MROH2B: variants seen among roughly 807,000 people sequenced by gnomAD.
The protein encoded by MROH2B is maestro heat-like repeat-containing protein family member 2B.
A neutral mutation model predicts 208.6 loss-of-function variants in MROH2B; 177 were observed. The ratio of observed to expected loss-of-function variants is 0.85; its 90% CI spans 0.75 to 0.96. The LOEUF is 0.96. MROH2B is among the 40% of genes least tolerant of loss of function. MROH2B has a pLI of 0.00. For missense variants in MROH2B, 2,002 were observed against 1,878.7 expected (o/e 1.07, Z -1.21); for synonymous variants, 728 against 659.0 (o/e 1.10, Z -1.60).
intron 11 of MROH2B, 123 bp downstream of exon 11, chr5:41,054,643 TA>T: frequency 1.6e-6 from 1 of 632,284 alleles, no homozygotes. Context: ...GGAGTTCTTT[TA>T]AAAATGGAAT....
chr5:41,050,141 A>G (rs987499990), intron 13 of MROH2B, among the ~76,000 whole-genome samples: 1 of 152,142 alleles, frequency 6.6e-6, no homozygotes, highest in South Asian at 2.1e-4. Flanking sequence ...GATCTCCTAT[A>G]TAGTCTCTTT....
At chr5:41,031,520 T>C (rs1448067351) in intron 24 of MROH2B, among the ~76,000 whole-genome samples, 1 of 152,092 alleles carries the variant, frequency 6.6e-6, no homozygotes, top group Non-Finnish European at 1.5e-5. Flanking sequence ...GGGTGGTTTT[T>C]ATTATTTTTT....
chr5:41,055,935 A>T (rs1743435669), intron 9 of MROH2B, 80 bp from the exon 10 acceptor site: 6 of 979,472 alleles, frequency 6.1e-6, no homozygotes, highest in South Asian at 5.3e-5. Flanking sequence ...AGGGAAATTC[A>T]CCATGAAGAT....
chr5:41,066,472 G>A (rs1743818911), intron 3 of MROH2B, among the ~76,000 whole-genome samples: 1 of 152,172 alleles, frequency 6.6e-6, no homozygotes, highest in South Asian at 2.1e-4. Context: ...GCCAACCAGT[G>A]GTGAGACTCT....
chr5:41,035,203 T>TA (rs1311418630), intron 21 of MROH2B, among the ~76,000 whole-genome samples: 1 of 152,112 alleles, frequency 6.6e-6, no homozygotes, highest in African/African-American at 2.4e-5. Context: ...AAGGCTATAG[T>TA]AATCAAAACA....
intron 24 of MROH2B, among the ~76,000 whole-genome samples, 157 bp from the exon 25 acceptor site, chr5:41,019,175 G>A (rs1239161283): frequency 6.6e-6 from 1 of 152,178 alleles, no homozygotes; most frequent in Non-Finnish European, 1.5e-5. Context: ...ACAGGAGTAG[G>A]GAGAGATGGG....
At chr5:41,007,700 G>A (rs889987809) in intron 33 of MROH2B, among the ~76,000 whole-genome samples, 2 of 152,086 alleles carry the variant, frequency 1.3e-5, no homozygotes, top group African/African-American at 4.8e-5. Context: ...GAAAAAATAG[G>A]CCATAAGAAT....
At chr5:41,009,235 T>C (rs1684142508) in intron 32 of MROH2B, 45 bp downstream of exon 32, 2 of 1,607,040 alleles carry the variant, frequency 1.2e-6, no homozygotes, top group African/African-American at 2.7e-5. Flanking sequence ...ATCATAAAGA[T>C]GGCGCAGTCT....
intron 37 of MROH2B, among the ~76,000 whole-genome samples, chr5:41,002,019 T>A (rs1036094662): frequency 2.6e-5 from 4 of 152,180 alleles, no homozygotes; most frequent in Non-Finnish European, 5.9e-5. Flanking sequence ...AAAGCTCAGA[T>A]GTGACTTTGT....
rs763901842 is a variant in MROH2B, at chr5:41,042,215, A to G, written c.1837-7T>C. ...AGGCTTTCCAAAGGAATTTCTGGAA[A>G]ACAAAAGATAAGCAACAGGATTTTA... is the stretch of plus-strand genomic sequence containing the variant. On this transcript the variant is annotated splice_region_variant and splice_polypyrimidine_tract_variant and intron_variant, in intron 18 of 41. Coordinates refer to ENST00000399564, the MANE Select transcript of MROH2B (RefSeq NM_173489.5). 6.0e-6 allele frequency: 9 copies of G among 1,498,458 alleles called. No individual in the cohort carries two copies. In the African/African-American group the frequency reaches 1.1e-4, roughly 18 times the overall value. 92.8% of individuals were successfully genotyped at this position (1,498,458 alleles called of 1,614,324 possible).
At chr5:41,016,782 G>A (rs562478341) in intron 28 of MROH2B, among the ~76,000 whole-genome samples, 2 of 152,032 alleles carry the variant, frequency 1.3e-5, no homozygotes, top group African/African-American at 4.8e-5. Flanking sequence ...GTCCAGCCTG[G>A]AATGGTTCTT....
intron 24 of MROH2B, among the ~76,000 whole-genome samples, chr5:41,023,416 T>C (rs1202031404): frequency 6.6e-6 from 1 of 152,228 alleles, no homozygotes; most frequent in Non-Finnish European, 1.5e-5. Context: ...AGTAGCCGAT[T>C]CGATCAACTG....
rs1225250370 is a variant in MROH2B at position 41,004,515 on chromosome 5, T to A, written c.4025A>T (p.Lys1342Met). The change falls in exon 37 of 42, where the codon AAG becomes ATG. Residue 1342 changes from lysine (K) to methionine (M), a missense_variant. Physicochemically the swap from Lys to Met is moderately conservative, Grantham distance 95 (BLOSUM62 -1). Transcript: ENST00000399564. ...GATGATAGATTCTAGCATTAACTGC[T>A]TATGTTTCTTCACCTATTTTGAAAT... ...SGAPHKVKKHKQLMLESIIRG... is the reference protein window; with the variant it reads ...SGAPHKVKKHMQLMLESIIRG... 6.2e-7 allele frequency: 1 copy of A among 1,605,860 alleles called. No individual in the cohort carries two copies. Among genetic ancestry groups the A allele is most frequent in the African/African-American group, 1.3e-5 (1 of 74,110 alleles).
intron 2 of MROH2B, among the ~76,000 whole-genome samples, chr5:41,068,973 G>C (rs1743896019): frequency 6.6e-6 from 1 of 152,120 alleles, no homozygotes; most frequent in Admixed American, 6.6e-5. Context: ...AAGAGATAAA[G>C]GTATAGGCAC....
Position 41,000,240 on chromosome 5 carries a change from T to G in MROH2B, c.4462A>C (p.Arg1488=). 1 of 1,613,860 alleles carries G rather than the reference T, an allele frequency of 6.2e-7. No individual in the cohort carries two copies. Among genetic ancestry groups the G allele is most frequent in the Non-Finnish European group, 8.5e-7 (1 of 1,179,820 alleles). The change falls in exon 39 of 42, where the codon AGG becomes CGG. Residue 1488 remains arginine (R), a synonymous_variant. Coordinates refer to ENST00000399564, the MANE Select transcript of MROH2B (RefSeq NM_173489.5). ...CTCACCAGTTTCACACAGAATTGCC[T>G]GTAGAAATCCCTGGCCCTTGGTAGA... ...QDLPRARDFY[R]QFCVKLAKKN...
chr5:41,066,385 A>G (rs2150183654), intron 3 of MROH2B, among the ~76,000 whole-genome samples: 1 of 152,322 alleles, frequency 6.6e-6, no homozygotes, highest in East Asian at 1.9e-4. Flanking sequence ...GGCCTGAAAA[A>G]GATTATTGAT....
chr5:41,020,559 C>G (rs532872993), intron 24 of MROH2B, among the ~76,000 whole-genome samples: 1 of 152,144 alleles, frequency 6.6e-6, no homozygotes, highest in Non-Finnish European at 1.5e-5. Context: ...TCTTTTACAA[C>G]CTAGTTCACT....
In MROH2B at chr5:41,067,173, T is replaced by C; in HGVS notation, c.136A>G (p.Ile46Val). ...CGTTGGACAATTGCATCATCCAAGATGTCAGTATTCTGAATAACAGAAGTG... is the reference window on the plus strand; with the variant it reads ...CGTTGGACAATTGCATCATCCAAGACGTCAGTATTCTGAATAACAGAAGTG... ...HLTSVIQNTDILDDAIVQRLI... is the reference protein window; with the variant it reads ...HLTSVIQNTDVLDDAIVQRLI... Residue 46 changes from isoleucine to valine, a missense_variant, in exon 3 of 42, where the codon ATC (isoleucine) becomes GTC (valine). Ile to Val is a conservative substitution (Grantham distance 29). Coordinates refer to ENST00000399564, the MANE Select transcript of MROH2B (RefSeq NM_173489.5). The C allele has an allele frequency of 6.4e-7, 1 of 1,555,548 alleles. No individual in the cohort carries two copies. Among genetic ancestry groups the C allele is most frequent in the Non-Finnish European group, 8.7e-7 (1 of 1,148,134 alleles).
At position 41,018,401 on chromosome 5, in the gene MROH2B, T is replaced by C. The variant is rs1356854117; in HGVS notation, c.2703A>G (p.Lys901=). Residue 901 remains lysine (K), a synonymous_variant, in exon 27 of 42, where the codon AAA becomes AAG. Coordinates refer to ENST00000399564, the MANE Select transcript of MROH2B (RefSeq NM_173489.5). Reference sequence around the variant, plus strand: ...GGAAGGCTCTTTCTCTTTCCCACTCTTTTTGTGAAACAAGCCACATTTGGA... The same window carrying C: ...GGAAGGCTCTTTCTCTTTCCCACTCCTTTTGTGAAACAAGCCACATTTGGA... ...NLLQMWLVSQ[K]EWERERAFQI... is the part of the protein sequence containing the mutation. 2.5e-6 allele frequency: 4 copies of C among 1,613,002 alleles called. No homozygotes were observed. Among genetic ancestry groups the C allele is most frequent in the Admixed American group, 1.7e-5 (1 of 59,826 alleles).
Sources: allele counts gnomAD v4.1 joint callset (sites outside exome capture counted in the v4.1 genomes callset), GRCh38; gene constraint gnomAD v4.1.1; transcripts MANE v1.5; gene names NCBI Gene and HGNC (gene_info 2026-07-23, HGNC 2026-07-21).